The following CCDC146 variants were observed in gnomAD, a reference collection of about 807,000 sequenced individuals.
CCDC146 encodes coiled-coil domain containing 146, also known as coiled-coil domain-containing protein 146.
In CCDC146, 92 loss-of-function variants were observed where a neutral mutation model predicts 119.3. The observed-to-expected ratio is 0.77, with a 90% confidence interval of 0.65 to 0.92. CCDC146 has a LOEUF of 0.92. Ranked by LOEUF, CCDC146 falls within the 40% of genes least tolerant of loss-of-function variation. The pLI, the probability that CCDC146 is intolerant of heterozygous loss-of-function variation, is 0.00. For synonymous variants in CCDC146, 372 were observed against 371.8 expected, an observed-to-expected ratio of 1.00 and a Z score of -0.01; for missense variants, 1,000 against 1,103.0, an observed-to-expected ratio of 0.91 and a Z score of 1.32.
At chr7:77,260,679 T>C (rs1296352977) in intron 8 of CCDC146, among the ~76,000 whole-genome samples, 1 of 152,192 alleles carries the variant, frequency 6.6e-6, no homozygotes, top group Non-Finnish European at 1.5e-5. Flanking sequence ...CAGGCTGGAG[T>C]GCAGTGGCAC....
At chr7:77,291,609 G>A (rs1584152889) in intron 17 of CCDC146, among the ~76,000 whole-genome samples, 1 of 152,214 alleles carries the variant, frequency 6.6e-6, no homozygotes, top group Admixed American at 6.5e-5. Flanking sequence ...TTGGGAGGCT[G>A]AGGTGGGAGG....
intron 9 of CCDC146, among the ~76,000 whole-genome samples, chr7:77,273,394 C>A (rs907391527): frequency 6.6e-6 from 1 of 152,052 alleles, no homozygotes; most frequent in East Asian, 1.9e-4. Context: ...TTTAATTTGC[C>A]ATGGCTTATA....
chr7:77,291,259 C>T (rs1248333712), intron 17 of CCDC146, among the ~76,000 whole-genome samples: 1 of 152,164 alleles, frequency 6.6e-6, no homozygotes, highest in East Asian at 1.9e-4. Flanking sequence ...TCCACTATGG[C>T]TATCAGACTA....
intron 2 of CCDC146, among the ~76,000 whole-genome samples, chr7:77,208,349 G>T (rs1204744857): frequency 6.6e-6 from 1 of 152,120 alleles, no homozygotes; most frequent in Non-Finnish European, 1.5e-5. Flanking sequence ...AAACCTAGAT[G>T]GTATAGCCTA....
intron 2 of CCDC146, among the ~76,000 whole-genome samples, chr7:77,228,019 T>A (rs1792547608): frequency 6.6e-6 from 1 of 152,204 alleles, no homozygotes. Context: ...CAGCTTCACT[T>A]TGTGTCTTCC....
chr7:77,278,881 G>GA, intron 12 of CCDC146, 41 bp downstream of exon 12: 1 of 1,595,116 alleles, frequency 6.3e-7, no homozygotes, highest in Non-Finnish European at 8.6e-7. Context: ...TAGGTGAGGG[G>GA]AAAAAAACCT....
intron 2 of CCDC146, among the ~76,000 whole-genome samples, chr7:77,201,280 G>A (rs182988131): frequency 4.5e-4 from 69 of 152,008 alleles, no homozygotes; most frequent in African/African-American, 1.5e-3. Context: ...GGTGGCTCAC[G>A]CCTGTAATCC....
chr7:77,210,855 T>A (rs1298890874), intron 2 of CCDC146, among the ~76,000 whole-genome samples: 2 of 150,868 alleles, frequency 1.3e-5, no homozygotes, highest in East Asian at 1.9e-4. Flanking sequence ...AAAGGGGAGG[T>A]GCTACACACT....
At chr7:77,202,870 G>A (rs1262110284) in intron 2 of CCDC146, among the ~76,000 whole-genome samples, 1 of 152,164 alleles carries the variant, frequency 6.6e-6, no homozygotes, top group East Asian at 1.9e-4. Flanking sequence ...ACCTGTATCT[G>A]ATTCAAAGTT....
intron 1 of CCDC146, among the ~76,000 whole-genome samples, chr7:77,166,840 G>A (rs1164379422): frequency 6.6e-6 from 1 of 152,070 alleles, no homozygotes; most frequent in Non-Finnish European, 1.5e-5. Context: ...CTGCCAATAT[G>A]ATTTGAGGAA....
chr7:77,243,635 T>C (rs1179975497), intron 4 of CCDC146, among the ~76,000 whole-genome samples: 1 of 150,236 alleles, frequency 6.7e-6, no homozygotes, highest in African/African-American at 2.4e-5. Context: ...GTATTTACTA[T>C]TCGATACATT....
chr7:77,218,744 T>A (rs1461503158), intron 2 of CCDC146, among the ~76,000 whole-genome samples: 12 of 151,902 alleles, frequency 7.9e-5, no homozygotes, highest in Non-Finnish European at 1.2e-4. Context: ...CATTTTTTTT[T>A]ATTTTTTGTA....
At chr7:77,172,163 CTT>C (rs1791432196) in intron 2 of CCDC146, among the ~76,000 whole-genome samples, 2 of 152,172 alleles carry the variant, frequency 1.3e-5, no homozygotes, top group Non-Finnish European at 2.9e-5. Flanking sequence ...ATTCAGAAAA[CTT>C]TATTTCCGTA....
chr7:77,280,534 AAAG>A lies in CCDC146; in HGVS notation c.1804_1806del (p.Lys602del). 1.2e-6 allele frequency: 2 copies of A among 1,614,204 alleles called. No homozygotes were observed. The highest frequency in any genetic ancestry group is 8.5e-7 in the Non-Finnish European group (1 of 1,180,008). On this transcript the variant is annotated inframe_deletion, in exon 14 of 19. Coordinates refer to ENST00000285871, the MANE Select transcript of CCDC146 (RefSeq NM_020879.3). Reference sequence around the variant, plus strand: ...TATCAAAACTTCAGGAAATGAAAGAAAAGAAGGAAGCCCAGTTAAATAACATTG... The same window carrying A: ...TATCAAAACTTCAGGAAATGAAAGAAAAGGAAGCCCAGTTAAATAACATTG...
At chr7:77,126,133 CT>C (rs1179227277) in intron 1 of CCDC146, among the ~76,000 whole-genome samples, 1 of 152,116 alleles carries the variant, frequency 6.6e-6, no homozygotes, top group East Asian at 1.9e-4. Context: ...AGGAAGTTTA[CT>C]TTCTAATTTG....
intron 1 of CCDC146, among the ~76,000 whole-genome samples, chr7:77,147,175 G>A (rs1417688627): frequency 2.6e-5 from 4 of 152,060 alleles, no homozygotes; most frequent in African/African-American, 9.7e-5. Flanking sequence ...TTCAATCACT[G>A]ATACCCTTTC....
At chr7:77,203,727 C>T (rs188709634) in intron 2 of CCDC146, among the ~76,000 whole-genome samples, 70 of 152,278 alleles carry the variant, frequency 4.6e-4, no homozygotes, top group African/African-American at 1.6e-3. Context: ...TTCCTCATGG[C>T]GGTGTCAGAA....
chr7:77,262,490 C>T (rs1793319264), intron 9 of CCDC146, among the ~76,000 whole-genome samples, 183 bp downstream of exon 9: 1 of 152,192 alleles, frequency 6.6e-6, no homozygotes, highest in Non-Finnish European at 1.5e-5. Flanking sequence ...TTCGTAATCT[C>T]ATTTTTCTAA....
At chr7:77,271,221 T>C (rs1391374169) in intron 9 of CCDC146, among the ~76,000 whole-genome samples, 4 of 151,832 alleles carry the variant, frequency 2.6e-5, no homozygotes, top group Non-Finnish European at 5.9e-5. Flanking sequence ...CCACCCTTAA[T>C]CTGGGTGGGC....
Sources: allele counts gnomAD v4.1 joint callset (sites outside exome capture counted in the v4.1 genomes callset), GRCh38; gene constraint gnomAD v4.1.1; transcripts MANE v1.5; gene names NCBI Gene and HGNC (gene_info 2026-07-23, HGNC 2026-07-21).